The following FHIP2B variants were observed in gnomAD, a reference collection of about 807,000 sequenced individuals.
FHIP2B encodes the protein FHF complex subunit HOOK interacting protein 2B, also known as FHF complex subunit HOOK-interacting protein 2B.
Under a neutral mutation model 84.0 loss-of-function variants are expected in FHIP2B, and 72 were observed. The ratio of observed to expected loss-of-function variants is 0.86; its 90% CI spans 0.71 to 1.04. The LOEUF (loss-of-function observed/expected upper bound fraction) is 1.04, where lower values mean the gene tolerates loss of function less well. Ranked by LOEUF, FHIP2B falls within the 50% of genes least tolerant of loss-of-function variation. The probability of loss-of-function intolerance (pLI) is 0.00; values close to 1 mark genes in which losing one functional copy is unlikely to be tolerated. For synonymous variants in FHIP2B, 497 were observed against 418.7 expected, an observed-to-expected ratio of 1.19 and a Z score of -2.28; for missense variants, 972 against 968.9, an observed-to-expected ratio of 1.00 and a Z score of -0.04.
At position 22,101,527 on chromosome 8, in the gene FHIP2B, C is replaced by T. The variant is rs1826113170; in HGVS notation, c.1704C>T (p.Gly568=). The T allele has an allele frequency of 1.9e-6, 3 of 1,610,052 alleles. No individual in the cohort carries two copies. The highest frequency in any genetic ancestry group is 2.5e-6 in the Non-Finnish European group (3 of 1,177,180). ...ACACATACGTCCACGATGCTTATGG[C>T]CTGGTGAGTGGCTCCTGCTACCAGC... ...GYDTYVHDAY[G]LFQECSSRVA... The change falls in exon 13 of 17, where the codon GGC becomes GGT. Residue 568 remains glycine (G), a synonymous_variant. Coordinates refer to ENST00000289921, the MANE Select transcript of FHIP2B (RefSeq NM_022749.7).
chr8:22,099,637 T>A, intron 9 of FHIP2B, 67 bp from the exon 10 acceptor site: 2 of 1,488,766 alleles, frequency 1.3e-6, no homozygotes, highest in Non-Finnish European at 1.8e-6. Context: ...GCAGGAAGGG[T>A]TCGGCCACCC....
chr8:22,099,304 G>C lies in FHIP2B; in HGVS notation c.1095G>C (p.Ala365=). ...EAHTVVADAL[A]KAVAENFFVE... is the part of the protein sequence containing the mutation. The stretch of plus-strand genomic sequence containing the variant: ...CCCAGGTGGTTGCGGACGCCTTGGC[G>C]AAGGCTGTGGCTGAGAACTTCTTCG... Residue 365 remains alanine, a synonymous_variant, in exon 9 of 17, where the codon GCG becomes GCC. Coordinates refer to ENST00000289921, the MANE Select transcript of FHIP2B (RefSeq NM_022749.7). The C allele has an allele frequency of 6.2e-7, 1 of 1,613,760 alleles. No individual in the cohort carries two copies. Among genetic ancestry groups the C allele is most frequent in the African/African-American group, 1.3e-5 (1 of 75,062 alleles).
chr8:22,101,561 C>T (rs1173690707), intron 13 of FHIP2B, 31 bp downstream of exon 13: 2 of 1,598,548 alleles, frequency 1.3e-6, no homozygotes, highest in African/African-American at 1.3e-5. Context: ...GCTCCCACTT[C>T]CTGTCCTTCA....
intron 3 of FHIP2B, 24 bp downstream of exon 3, chr8:22,096,533 G>C (rs933013114): frequency 1.3e-6 from 2 of 1,495,446 alleles, no homozygotes; most frequent in Non-Finnish European, 1.8e-6. Flanking sequence ...TGCGCGCTGG[G>C]CCAGGCCGAG....
In FHIP2B at chr8:22,103,970, C is replaced by T. The variant is rs1308861099; in HGVS notation, c.*1039C>T. 5 of 152,792 alleles carry T rather than the reference C, an allele frequency of 3.3e-5. No homozygotes were observed. Among genetic ancestry groups the T allele is most frequent in the Non-Finnish European group, 7.3e-5 (5 of 68,070 alleles). The allele number at this position is 152,792 out of a possible 1,614,324, so 9.5% of individuals were successfully genotyped here. A position where few individuals can be genotyped will look rare whatever the true frequency, so the allele number is the denominator to read the frequency against. ...AATACACGGGCGGCGCCAGGCATTA[C>T]CTCACAGCGGGACTACACAGTTGCT... On this transcript the variant is annotated 3_prime_UTR_variant, in exon 17 of 17. Transcript: ENST00000289921.
At position 22,099,308 on chromosome 8, in the gene FHIP2B, G is replaced by T. The variant is rs774736068; in HGVS notation, c.1099G>T (p.Ala367Ser). The T allele has an allele frequency of 1.1e-5, 18 of 1,613,790 alleles. No homozygotes were observed. The South Asian group carries it at 1.9e-4, about 17-fold the overall frequency. The change falls in exon 9 of 17, where the codon GCT (alanine) becomes TCT (serine). Residue 367 changes from alanine to serine, a missense_variant. Coordinates refer to ENST00000289921, the MANE Select transcript of FHIP2B (RefSeq NM_022749.7). ...GGTGGTTGCGGACGCCTTGGCGAAG[G>T]CTGTGGCTGAGAACTTCTTCGTGGA... is the stretch of plus-strand genomic sequence containing the variant. ...HTVVADALAK[A>S]VAENFFVETL...
At chr8:22,096,647 G>A in intron 3 of FHIP2B, 138 bp downstream of exon 3, 1 of 1,279,746 alleles carries the variant, frequency 7.8e-7, no homozygotes, top group Non-Finnish European at 1.0e-6. Context: ...GGCTGAGGTG[G>A]GCGGTGGGCA....
intron 1 of FHIP2B, among the ~76,000 whole-genome samples, chr8:22,092,354 C>T (rs573884372): frequency 2.6e-5 from 4 of 152,186 alleles, no homozygotes; most frequent in African/African-American, 7.2e-5. Context: ...CCCAGGTGGG[C>T]GGACCACTTG....
intron 5 of FHIP2B, 55 bp from the exon 6 acceptor site, chr8:22,098,013 G>T: frequency 6.5e-7 from 1 of 1,537,112 alleles, no homozygotes; most frequent in East Asian, 2.3e-5. Flanking sequence ...GTCCCAGTGG[G>T]GGACCCTGGG....
At chr8:22,098,878 C>T (rs1825942752) in intron 7 of FHIP2B, 70 bp from the exon 8 acceptor site, 1 of 1,328,528 alleles carries the variant, frequency 7.5e-7, no homozygotes. Flanking sequence ...GGCCCAGTTT[C>T]AGGACACATT....
Position 22,089,226 on chromosome 8 carries a change from G to A in FHIP2B, c.-28G>A. 24 of 1,060,344 alleles carry A rather than the reference G, an allele frequency of 2.3e-5. No individual in the cohort carries two copies. Among genetic ancestry groups the A allele is most frequent in the Non-Finnish European group, 2.5e-5 (22 of 879,566 alleles). The allele number at this position is 1,060,344 out of a possible 1,614,324, so 65.7% of individuals were successfully genotyped here. A position where few individuals can be genotyped will look rare whatever the true frequency, so the allele number is the denominator to read the frequency against. ...CTAGAGCGCTGCCGCCGCCGCTTTC[G>A]CCCGGGAGCCGGGGGCCGGGCGCCA... On this transcript the variant is annotated 5_prime_UTR_variant, in exon 1 of 17. Coordinates refer to ENST00000289921, the MANE Select transcript of FHIP2B (RefSeq NM_022749.7).
At chr8:22,097,114 A>G in intron 3 of FHIP2B, 1 of 251,918 alleles carries the variant, frequency 4.0e-6, no homozygotes, top group Non-Finnish European at 7.8e-6. Flanking sequence ...ATGGGTCAAT[A>G]ATGACCCAGT....
intron 1 of FHIP2B, among the ~76,000 whole-genome samples, chr8:22,090,665 C>CCTGG (rs1248166387): frequency 6.6e-6 from 1 of 152,098 alleles, no homozygotes; most frequent in Non-Finnish European, 1.5e-5. Flanking sequence ...TATTTCTGAG[C>CCTGG]CCAGGCTAGA....
chr8:22,102,325 C>A lies in FHIP2B; in HGVS notation c.1992+10C>A, dbSNP rs1826168615. ...CTCCGTGTTGGTGAGGGTGAGGACG[C>A]CTCGGCCCAAGGGAGTGTGCCTAGT... On this transcript the variant is annotated intron_variant, in intron 15 of 16. Transcript: ENST00000289921. The A allele has an allele frequency of 6.2e-7, 1 of 1,611,602 alleles. No homozygotes were observed. The highest frequency in any genetic ancestry group is 1.3e-5 in the African/African-American group (1 of 74,852).
At chr8:22,089,662 C>T (rs534004889) in intron 1 of FHIP2B, 3 of 780,356 alleles carry the variant, frequency 3.8e-6, no homozygotes, top group Non-Finnish European at 5.5e-6. Flanking sequence ...GCCGCCTCCC[C>T]CCAGTCCCGG....
rs145561106 is a variant in FHIP2B, at chr8:22,094,537, C to G, written c.124+19C>G. On this transcript the variant is annotated intron_variant, in intron 2 of 16. Coordinates refer to ENST00000289921, the MANE Select transcript of FHIP2B (RefSeq NM_022749.7). The stretch of plus-strand genomic sequence containing the variant: ...AGCACAGGTGCGGCCTGGCCCTCCC[C>G]AGCCCAGGGACCCTGGAGGGAGCGG... 3,736 of 1,609,056 alleles carry G rather than the reference C, an allele frequency of 2.3e-3. 17 individuals are homozygous for G. Among genetic ancestry groups the G allele is most frequent in the Non-Finnish European group, 2.0e-3 (2,405 of 1,178,124 alleles).
rs147569274 is a variant in FHIP2B at position 22,103,002 on chromosome 8, C to T, written c.*71C>T. ...AGAGCTGCCTCCTGCCTGGCACTGC[C>T]GCCACACTCCCCTCCTGGGATGGGG... On this transcript the variant is annotated 3_prime_UTR_variant, in exon 17 of 17. Coordinates refer to ENST00000289921, the MANE Select transcript of FHIP2B (RefSeq NM_022749.7). 4.5e-4 allele frequency: 692 copies of T among 1,530,718 alleles called. No individual in the cohort carries two copies. The highest frequency in any genetic ancestry group is 2.1e-3 in the Middle Eastern group (12 of 5,758). The allele number at this position is 1,530,718 out of a possible 1,614,324, so 94.8% of individuals were successfully genotyped here. A position where few individuals can be genotyped will look rare whatever the true frequency, so the allele number is the denominator to read the frequency against.
In FHIP2B at chr8:22,100,870, C is replaced by G; in HGVS notation, c.1514C>G (p.Thr505Ser). ...GACCTGGAGGAAGACCCCTACTTCA[C>G]CGACAGCTTCCTGGATTCCGGCTTT... is the stretch of plus-strand genomic sequence containing the variant. The part of the protein sequence containing the change: ...TLDLEEDPYF[T>S]DSFLDSGFQT... The change falls in exon 12 of 17, where the codon ACC (threonine) becomes AGC (serine). Residue 505 changes from threonine to serine, a missense_variant. By Grantham distance (58) the Thr-to-Ser change is moderately conservative. Coordinates refer to ENST00000289921, the MANE Select transcript of FHIP2B (RefSeq NM_022749.7). 6.2e-7 allele frequency: 1 copy of G among 1,613,922 alleles called. No homozygotes were observed. Among genetic ancestry groups the G allele is most frequent in the Non-Finnish European group, 8.5e-7 (1 of 1,179,894 alleles).
intron 1 of FHIP2B, among the ~76,000 whole-genome samples, chr8:22,092,935 C>T (rs1825570652): frequency 6.6e-6 from 1 of 152,214 alleles, no homozygotes; most frequent in African/African-American, 2.4e-5. Context: ...ATATCGTCTT[C>T]TCCATGACAC....
Sources: allele counts gnomAD v4.1 joint callset (sites outside exome capture counted in the v4.1 genomes callset), GRCh38; gene constraint gnomAD v4.1.1; transcripts MANE v1.5; gene names NCBI Gene and HGNC (gene_info 2026-07-23, HGNC 2026-07-21).